MAP2: variants seen among roughly 807,000 people sequenced by gnomAD.
MAP2 encodes the protein microtubule associated protein 2.
In MAP2, 14 loss-of-function variants were observed where a neutral mutation model predicts 137.6. The observed-to-expected ratio is 0.10, with a 90% confidence interval of 0.07 to 0.16. The LOEUF (loss-of-function observed/expected upper bound fraction) is 0.16. Ranked by LOEUF, MAP2 falls within the 10% of genes least tolerant of loss-of-function variation. MAP2 has a pLI of 1.00. For missense variants in MAP2, 2,088 were observed against 2,191.5 expected, an observed-to-expected ratio of 0.95 and a Z score of 0.94; for synonymous variants, 786 against 782.3, an observed-to-expected ratio of 1.00 and a Z score of -0.08.
At chr2:209,484,303 A>G (rs2058092993) in intron 1 of MAP2, among the ~76,000 whole-genome samples, 1 of 151,744 alleles carries the variant, frequency 6.6e-6, no homozygotes, top group Admixed American at 6.6e-5. Context: ...ATTATCAAGA[A>G]GTCAAAGAAA....
rs2710484 is a variant in MAP2, at chr2:209,658,340, T to C, written c.262+4908T>C. 8.6e-3 allele frequency among the ~76,000 whole-genome samples: 1,307 copies of C among 152,148 alleles called. 16 individuals are homozygous for C. The highest frequency in any genetic ancestry group is 0.028 in the African/African-American group (1,168 of 41,506). On this transcript the variant is annotated intron_variant, in intron 5 of 15. Coordinates refer to ENST00000682079, the MANE Select transcript of MAP2 (RefSeq NM_001375505.1). ...AACAGTATTATATCAAATCCTATCT[T>C]TACTGTGCCTGTTTATAGAATCATT...
intron 1 of MAP2, among the ~76,000 whole-genome samples, chr2:209,424,989 G>A (rs895639963): frequency 2.0e-5 from 3 of 151,944 alleles, no homozygotes; most frequent in African/African-American, 7.3e-5. Flanking sequence ...GGTGGGGAGA[G>A]GAGGACTGCA....
chr2:209,647,300 A>G (rs978144138), intron 4 of MAP2, among the ~76,000 whole-genome samples: 1 of 152,202 alleles, frequency 6.6e-6, no homozygotes, highest in Non-Finnish European at 1.5e-5. Flanking sequence ...ACACAGATCC[A>G]GACCATATCA....
At chr2:209,613,864 C>A (rs2087969343) in intron 3 of MAP2, among the ~76,000 whole-genome samples, 1 of 152,120 alleles carries the variant, frequency 6.6e-6, no homozygotes, top group African/African-American at 2.4e-5. Context: ...GTAACCCAAG[C>A]AAGGAGTCAA....
intron 1 of MAP2, among the ~76,000 whole-genome samples, chr2:209,434,913 A>C: frequency 7.1e-6 from 1 of 141,488 alleles, no homozygotes; most frequent in African/African-American, 2.7e-5. Flanking sequence ...TATATGTTAT[A>C]TATATGTTAT....
At chr2:209,444,973 GT>G (rs1399918076) in intron 1 of MAP2, among the ~76,000 whole-genome samples, 4 of 150,900 alleles carry the variant, frequency 2.7e-5, no homozygotes, top group Non-Finnish European at 3.0e-5. Flanking sequence ...TACAGACATG[GT>G]TTTTTTTGTT....
At chr2:209,711,002 T>C (rs761032269) in intron 13 of MAP2, among the ~76,000 whole-genome samples, 4 of 152,164 alleles carry the variant, frequency 2.6e-5, no homozygotes, top group Non-Finnish European at 5.9e-5. Flanking sequence ...GCAATTAGCC[T>C]GGAAGGAAAT....
At chr2:209,532,339 A>G (rs1450421293) in intron 2 of MAP2, among the ~76,000 whole-genome samples, 1 of 152,132 alleles carries the variant, frequency 6.6e-6, no homozygotes, top group Non-Finnish European at 1.5e-5. Context: ...TATTTCACAT[A>G]AACTCTTCTT....
At chr2:209,524,329 T>C (rs1341832807) in intron 2 of MAP2, among the ~76,000 whole-genome samples, 3 of 152,108 alleles carry the variant, frequency 2.0e-5, no homozygotes, top group African/African-American at 7.2e-5. Flanking sequence ...TTCTTTTTTT[T>C]CTTTTTTTTA....
chr2:209,680,785 C>G lies in MAP2; in HGVS notation c.412C>G (p.Pro138Ala). Residue 138 changes from proline (P) to alanine (A), a missense_variant, in exon 7 of 16, where the codon CCC becomes GCC. Around this residue, in one of 6 missense-constraint regions of MAP2, gnomAD observed 859 missense variants for 794.5 expected, o/e 1.08. Transcript: ENST00000682079. ...AACAGCTAATCTGCCTCCTTCTCCACCCCCATCACCTGCCTCAGAACAGAC... is the reference window on the plus strand; with the variant it reads ...AACAGCTAATCTGCCTCCTTCTCCAGCCCCATCACCTGCCTCAGAACAGAC... ...EETANLPPSP[P>A]PSPASEQTVT... The G allele has an allele frequency of 6.2e-7, 1 of 1,613,668 alleles. No homozygotes were observed. The highest frequency in any genetic ancestry group is 8.5e-7 in the Non-Finnish European group (1 of 1,179,674).
chr2:209,476,939 C>T lies in MAP2; in HGVS notation c.-221-30653C>T, dbSNP rs535272470. ...CCTGTCCTAATTGAATTCAGTTAAG[C>T]ATTCAAAACCTTCATCACAAAGATT... On this transcript the variant is annotated intron_variant, in intron 1 of 15. Coordinates refer to ENST00000682079, the MANE Select transcript of MAP2 (RefSeq NM_001375505.1). Among the ~76,000 whole-genome samples, 7 of 152,254 alleles carry T rather than the reference C, an allele frequency of 4.6e-5. No homozygotes were observed. The South Asian group carries it at 1.2e-3, about 27-fold the overall frequency.
At chr2:209,719,068 A>G (rs1327802908) in intron 13 of MAP2, among the ~76,000 whole-genome samples, 1 of 152,252 alleles carries the variant, frequency 6.6e-6, no homozygotes, top group African/African-American at 2.4e-5. Flanking sequence ...TAATGCAAGA[A>G]CAAAGGAAGG....
intron 3 of MAP2, among the ~76,000 whole-genome samples, chr2:209,617,489 T>C (rs549502221): frequency 8.5e-4 from 130 of 152,174 alleles, no homozygotes; most frequent in African/African-American, 2.4e-3. Context: ...CTCTCTAAAC[T>C]GATTTTAGAT....
intron 3 of MAP2, among the ~76,000 whole-genome samples, chr2:209,604,796 C>T (rs2084123160): frequency 6.6e-6 from 1 of 152,016 alleles, no homozygotes; most frequent in African/African-American, 2.4e-5. Flanking sequence ...TTATAGTTTG[C>T]CAAGCATGTT....
rs190872181 is a variant in MAP2 at position 209,676,044 on chromosome 2, G to C, written c.263-2528G>C. 5.3e-3 allele frequency among the ~76,000 whole-genome samples: 802 copies of C among 151,878 alleles called. 14 individuals are homozygous for C. Among genetic ancestry groups the C allele is most frequent in the African/African-American group, 0.018 (750 of 41,500 alleles). On this transcript the variant is annotated intron_variant, in intron 5 of 15. Transcript: ENST00000682079. ...TTTCTATTCTGTCAAAAAAAATTCTGTTAAGCATCCAATCTGAGTAAAGCT... is the reference window on the plus strand; with the variant it reads ...TTTCTATTCTGTCAAAAAAAATTCTCTTAAGCATCCAATCTGAGTAAAGCT...
chr2:209,631,024 AAAAAAAAAAAAG>A (rs1236680896), intron 4 of MAP2, among the ~76,000 whole-genome samples: 4 of 142,344 alleles, frequency 2.8e-5, no homozygotes, highest in African/African-American at 1.0e-4. Context: ...AAAAAAAAAA[AAAAAAAAAAAAG>A]AGAGAGAGAG....
intron 1 of MAP2, among the ~76,000 whole-genome samples, chr2:209,437,836 C>G (rs1025086694): frequency 1.3e-5 from 2 of 151,506 alleles, no homozygotes; most frequent in African/African-American, 4.8e-5. Flanking sequence ...GTGGTTTGTT[C>G]CCCCTTATCA....
At chr2:209,445,633 CATCTT>C (rs562986264) in intron 1 of MAP2, among the ~76,000 whole-genome samples, 3 of 151,568 alleles carry the variant, frequency 2.0e-5, no homozygotes, top group Non-Finnish European at 4.4e-5. Flanking sequence ...TTTTATGTAA[CATCTT>C]AACTACGGTG....
intron 10 of MAP2, among the ~76,000 whole-genome samples, chr2:209,697,589 GA>G (rs1206144151): frequency 2.6e-5 from 4 of 151,866 alleles, no homozygotes; most frequent in Non-Finnish European, 5.9e-5. Context: ...TGCTTTTGCT[GA>G]AAAAAAGAAG....
Sources: gnomAD v4.1 joint callset for allele counts (sites outside exome capture counted in the v4.1 genomes callset) on GRCh38, gnomAD v4.1.1 for gene constraint, gnomAD v4.1.1 regional missense constraint, MANE v1.5 for transcripts, NCBI Gene and HGNC (gene_info 2026-07-23, HGNC 2026-07-21) for gene names.